Variants in EML6 observed in about 807,000 individuals in gnomAD.
EML6 encodes echinoderm microtubule-associated protein-like 6.
A neutral mutation model predicts 240.1 loss-of-function variants in EML6; 154 were observed. The ratio of observed to expected loss-of-function variants is 0.64; its 90% CI spans 0.56 to 0.73. The LOEUF (loss-of-function observed/expected upper bound fraction) is 0.73, where lower values mean the gene tolerates loss of function less well. Ranked by LOEUF, EML6 falls within the 30% of genes least tolerant of loss-of-function variation. The probability of loss-of-function intolerance (pLI) is 0.00; values close to 1 mark genes in which losing one functional copy is unlikely to be tolerated. For synonymous variants in EML6, 1,148 were observed against 899.0 expected, an observed-to-expected ratio of 1.28 and a Z score of -4.95; for missense variants, 2,964 against 2,474.6, an observed-to-expected ratio of 1.20 and a Z score of -4.20.
At chr2:54,969,856 A>G (rs548689096) in intron 41 of EML6, among the ~76,000 whole-genome samples, 1 of 152,370 alleles carries the variant, frequency 6.6e-6, no homozygotes, top group Admixed American at 6.5e-5. Flanking sequence ...AACTGCTGAA[A>G]GAACCAAACA....
At chr2:54,917,831 G>A (rs981314319) in intron 26 of EML6, among the ~76,000 whole-genome samples, 15 of 152,114 alleles carry the variant, frequency 9.9e-5, no homozygotes, top group African/African-American at 3.1e-4. Context: ...ATGGCTTACA[G>A]CTGTCCCCTC....
At chr2:54,951,586 A>G (rs1257915708) in intron 30 of EML6, among the ~76,000 whole-genome samples, 1 of 152,150 alleles carries the variant, frequency 6.6e-6, no homozygotes, top group African/African-American at 2.4e-5. Flanking sequence ...TGGTGACTCA[A>G]ATTTTAAAAA....
At chr2:54,898,799 C>G (rs1169409801) in intron 21 of EML6, among the ~76,000 whole-genome samples, 4 of 152,180 alleles carry the variant, frequency 2.6e-5, no homozygotes, top group African/African-American at 9.6e-5. Flanking sequence ...AACAGTTAAT[C>G]TGGTCTGTTT....
intron 16 of EML6, among the ~76,000 whole-genome samples, chr2:54,876,554 TTA>T (rs1163355964): frequency 6.6e-6 from 1 of 152,206 alleles, no homozygotes; most frequent in Non-Finnish European, 1.5e-5. Flanking sequence ...ACATAAAACT[TTA>T]TTATTTTAAA....
At position 54,964,637 on chromosome 2, in the gene EML6, C is replaced by T; in HGVS notation, c.5397C>T (p.Leu1799=). The T allele has an allele frequency of 6.4e-7, 1 of 1,552,410 alleles. No individual in the cohort carries two copies. The highest frequency in any genetic ancestry group is 2.0e-5 in the Admixed American group (1 of 51,018). Residue 1799 remains leucine, a synonymous_variant, in exon 38 of 42, where the codon CTC becomes CTT. Coordinates refer to ENST00000356458, the MANE Select transcript of EML6 (RefSeq NM_001039753.4). ...AACACACAGTTGACTTCTATGACCT[C>T]ACTCAGGGCACAAATCTGAACCGCA... ...SSEHTVDFYD[L]TQGTNLNRIG...
intron 17 of EML6, among the ~76,000 whole-genome samples, chr2:54,885,903 G>A (rs1026056571): frequency 2.0e-5 from 3 of 152,038 alleles, no homozygotes; most frequent in African/African-American, 2.4e-5. Context: ...GAGCCACCAC[G>A]TCCAGCCCAC....
rs1191806370 is a variant in EML6 at position 54,879,604 on chromosome 2, G to A, written c.2402G>A (p.Trp801Ter). 1 of 1,551,842 alleles carries A rather than the reference G, an allele frequency of 6.4e-7. No homozygotes were observed. The highest frequency in any genetic ancestry group is 1.4e-5 in the African/African-American group (1 of 73,130). Reference protein sequence around the residue: ...GLDDFHSIVFWDWKKGEKIAT... With the variant: ...GLDDFHSIVF ...GACGATTTTCACAGTATTGTATTTTGGGACTGGAAAAAGGGAGAAAAGATA... is the reference window on the plus strand; with the variant it reads ...GACGATTTTCACAGTATTGTATTTTAGGACTGGAAAAAGGGAGAAAAGATA... The change falls in exon 17 of 42, where the codon TGG (tryptophan) becomes TAG (stop). Residue 801 changes from tryptophan to a stop codon, truncating the protein, a stop_gained. Transcript: ENST00000356458. LOFTEE classifies it high-confidence loss of function.
At chr2:54,755,816 C>A (rs947899646) in intron 2 of EML6, among the ~76,000 whole-genome samples, 1 of 151,948 alleles carries the variant, frequency 6.6e-6, no homozygotes, top group Non-Finnish European at 1.5e-5. Context: ...CAGGCAACCA[C>A]GCCTGGCTAA....
intron 26 of EML6, among the ~76,000 whole-genome samples, chr2:54,924,698 A>G (rs1020796319): frequency 6.6e-6 from 1 of 152,132 alleles, no homozygotes; most frequent in Non-Finnish European, 1.5e-5. Context: ...AATAGCTGGG[A>G]TCACAGGTGC....
intron 26 of EML6, among the ~76,000 whole-genome samples, chr2:54,927,195 C>G (rs1476814922): frequency 6.6e-6 from 1 of 152,194 alleles, no homozygotes; most frequent in Non-Finnish European, 1.5e-5. Flanking sequence ...TCTTTCTAGG[C>G]TCAGTACTCT....
At chr2:54,888,430 T>C (rs1251191473) in intron 17 of EML6, among the ~76,000 whole-genome samples, 2 of 152,196 alleles carry the variant, frequency 1.3e-5, no homozygotes, top group Non-Finnish European at 2.9e-5. Context: ...TTGAACCAGA[T>C]TGGGCTGATT....
At chr2:54,786,874 A>G (rs80339124) in intron 2 of EML6, among the ~76,000 whole-genome samples, 2,025 of 152,310 alleles carry the variant, frequency 0.013, 36 homozygotes, top group African/African-American at 0.041. Context: ...TTAAACATAT[A>G]CAAGTTTGTA....
At chr2:54,944,891 C>A (rs1187009035) in intron 28 of EML6, among the ~76,000 whole-genome samples, 2 of 151,900 alleles carry the variant, frequency 1.3e-5, no homozygotes, top group Non-Finnish European at 2.9e-5. Context: ...GTCTTGATAA[C>A]AGAGAGGCCC....
intron 2 of EML6, among the ~76,000 whole-genome samples, chr2:54,790,724 C>CTTTTT (rs368684488): frequency 8.1e-6 from 1 of 123,300 alleles, no homozygotes. Context: ...CTTAATTTTC[C>CTTTTT]TTTTTTTTTT....
Position 54,961,184 on chromosome 2 carries a change from G to GTTGTTTTTTTTGTTTTGTTTTTTTTT in EML6, c.4968+852_4968+853insGTTTTTTTTGTTTTGTTTTTTTTTTT. On this transcript the variant is annotated intron_variant, in intron 35 of 41. Transcript: ENST00000356458. ...GGAGCCTGGAAGTTATCAGGAAGTA[G>GTTGTTTTTTTTGTTTTGTTTTTTTTT]TTTTTTTTTTTTTTTTTTTGAGACG... Among the ~76,000 whole-genome samples, 226 of 55,394 alleles carry GTTGTTTTTTTTGTTTTGTTTTTTTTT rather than the reference G, an allele frequency of 4.1e-3. 23 individuals are homozygous for GTTGTTTTTTTTGTTTTGTTTTTTTTT. The highest frequency in any genetic ancestry group is 6.3e-3 in the Non-Finnish European group (198 of 31,644). 36.3% of individuals were successfully genotyped at this position (55,394 alleles called of 152,430 possible). A position where few individuals can be genotyped will look rare whatever the true frequency, so the allele number is the denominator to read the frequency against.
At chr2:54,804,065 C>G (rs1190527629) in intron 2 of EML6, among the ~76,000 whole-genome samples, 1 of 152,152 alleles carries the variant, frequency 6.6e-6, no homozygotes, top group East Asian at 1.9e-4. Context: ...TATAAACTAG[C>G]AAATTAAGAC....
intron 22 of EML6, among the ~76,000 whole-genome samples, chr2:54,901,800 C>G (rs1673070259): frequency 6.6e-6 from 1 of 152,218 alleles, no homozygotes; most frequent in African/African-American, 2.4e-5. Context: ...CCTGGCTGTC[C>G]TATCCCTGGG....
At chr2:54,743,476 C>T (rs376238258) in intron 2 of EML6, among the ~76,000 whole-genome samples, 10 of 152,272 alleles carry the variant, frequency 6.6e-5, no homozygotes, top group African/African-American at 2.4e-4. Flanking sequence ...ATGCATTTTT[C>T]CCTGTAATCC....
intron 26 of EML6, among the ~76,000 whole-genome samples, chr2:54,920,047 TTAAAG>T (rs765351067): frequency 1.8e-4 from 28 of 152,276 alleles, no homozygotes; most frequent in South Asian, 2.1e-4. Context: ...ATTCTGTAAT[TTAAAG>T]TAAACTGTAG....
Sources: allele counts gnomAD v4.1 joint callset (sites outside exome capture counted in the v4.1 genomes callset), GRCh38; gene constraint gnomAD v4.1.1; transcripts MANE v1.5; gene names NCBI Gene and HGNC (gene_info 2026-07-23, HGNC 2026-07-21).